The following UQCR11 variants were observed in gnomAD, a reference collection of about 807,000 sequenced individuals.
UQCR11 encodes the protein cytochrome b-c1 complex subunit 10.
Under a neutral mutation model 7.6 loss-of-function variants are expected in UQCR11, and 10 were observed. That is an observed-to-expected ratio of 1.31 (90% confidence interval 0.81 to 2.22). The LOEUF (loss-of-function observed/expected upper bound fraction) is 2.22. Among genes scored for constraint, UQCR11 ranks in the 30% most tolerant of loss-of-function variants. The probability of loss-of-function intolerance (pLI) is 0.00; values close to 1 mark genes in which losing one functional copy is unlikely to be tolerated. For synonymous variants in UQCR11, 34 were observed against 34.9 expected (o/e 0.97, Z 0.09); for missense variants, 86 against 75.1 (o/e 1.15, Z -0.54).
intron 1 of UQCR11, among the ~76,000 whole-genome samples, chr19:1,604,520 C>T (rs1173852483): frequency 6.7e-6 from 1 of 150,354 alleles, no homozygotes; most frequent in East Asian, 2.0e-4. Context: ...TAAGACCTTG[C>T]TGCTTTTTTT....
intron 1 of UQCR11, among the ~76,000 whole-genome samples, chr19:1,601,824 A>G (rs545385939): frequency 7.2e-5 from 11 of 152,206 alleles, no homozygotes; most frequent in African/African-American, 2.2e-4. Context: ...GCACTAGATA[A>G]CAATTGCAGG....
rs781448275 is a variant in UQCR11, at chr19:1,599,527, GC to G, written c.83del (p.Gly28AlafsTer13). ...VPTAYTWGAV[G>X]AVGLVWATDW... is the part of the protein sequence containing the mutation. ...CGGTGGCCCACACCAGCCCCACGGC[GC>G]CCACAGCGCCCCATGTGTAGGCCGT... On this transcript the variant is annotated frameshift_variant, in exon 2 of 3. Coordinates refer to ENST00000591899, the MANE Select transcript of UQCR11 (RefSeq NM_006830.4). LOFTEE classifies it high-confidence loss of function. The G allele has an allele frequency of 6.2e-7, 1 of 1,612,582 alleles. No individual in the cohort carries two copies. The highest frequency in any genetic ancestry group is 8.5e-7 in the Non-Finnish European group (1 of 1,179,990).
At chr19:1,599,388 C>T in intron 2 of UQCR11, 24 bp downstream of exon 2, 1 of 1,607,380 alleles carries the variant, frequency 6.2e-7, no homozygotes, top group Non-Finnish European at 8.5e-7. Context: ...TGCAGTCCAC[C>T]CACCGCAGCC....
chr19:1,599,392 C>T lies in UQCR11; in HGVS notation c.*28+20G>A, dbSNP rs759175910. The T allele has an allele frequency of 9.6e-5, 154 of 1,608,410 alleles. No homozygotes were observed. The highest frequency in any genetic ancestry group is 1.8e-4 in the East Asian group (8 of 44,798). On this transcript the variant is annotated intron_variant, in intron 2 of 2. Transcript: ENST00000591899. ...TCCGGCCATCATGCAGTCCACCCAC[C>T]GCAGCCCACTGAAACTTACCAGAGC...
chr19:1,598,500 C>G (rs989720617), intron 2 of UQCR11, among the ~76,000 whole-genome samples: 1 of 151,130 alleles, frequency 6.6e-6, no homozygotes, highest in Non-Finnish European at 1.5e-5. Context: ...GCCAAGATCG[C>G]GTCATTGCGC....
rs1379404017 is a variant in UQCR11, at chr19:1,598,974, AG to A, written c.*28+437del. The A allele has an allele frequency of 8.5e-5, 15 of 175,844 alleles. No homozygotes were observed. In the South Asian group the frequency reaches 1.8e-3, roughly 21 times the overall value. The allele number at this position is 175,844 out of a possible 1,614,324, so 10.9% of individuals were successfully genotyped here. ...GAAGATGCCACAGGCACTGTGGTTA[AG>A]GGGGCAGCTGGCATGCTGGAGAAAC... On this transcript the variant is annotated intron_variant, in intron 2 of 2. Coordinates refer to ENST00000591899, the MANE Select transcript of UQCR11 (RefSeq NM_006830.4).
intron 1 of UQCR11, among the ~76,000 whole-genome samples, chr19:1,603,977 C>T (rs772725450): frequency 1.4e-4 from 21 of 152,218 alleles, no homozygotes; most frequent in Admixed American, 6.5e-4. Flanking sequence ...CGGAGTTTCG[C>T]TCTTGTTGCC....
intron 1 of UQCR11, 89 bp downstream of exon 1, chr19:1,605,271 C>A: frequency 7.0e-7 from 1 of 1,422,380 alleles, no homozygotes; most frequent in South Asian, 1.4e-5. Context: ...CCGGCCCGGC[C>A]CCCGGAAACG....
At chr19:1,602,650 C>T (rs1346039002) in intron 1 of UQCR11, among the ~76,000 whole-genome samples, 2 of 152,126 alleles carry the variant, frequency 1.3e-5, no homozygotes, top group African/African-American at 4.8e-5. Context: ...CAGGGTTTCA[C>T]CTTGTTGGCC....
At chr19:1,603,418 C>T (rs926270548) in intron 1 of UQCR11, among the ~76,000 whole-genome samples, 2 of 152,040 alleles carry the variant, frequency 1.3e-5, no homozygotes, top group Non-Finnish European at 2.9e-5. Flanking sequence ...CTGGCTAACA[C>T]GGTGAAACCC....
In UQCR11 at chr19:1,599,165, T is replaced by C; in HGVS notation, c.*28+247A>G. Reference sequence around the variant, plus strand: ...AGCAAGGTTTGCCTCAAAGACTCACTGGGATTGTCCAGAGGGAGGGCGAGG... The same window carrying C: ...AGCAAGGTTTGCCTCAAAGACTCACCGGGATTGTCCAGAGGGAGGGCGAGG... On this transcript the variant is annotated intron_variant, in intron 2 of 2. Coordinates refer to ENST00000591899, the MANE Select transcript of UQCR11 (RefSeq NM_006830.4). The C allele has an allele frequency of 2.9e-5, 12 of 420,490 alleles. No homozygotes were observed. The South Asian group carries it at 3.1e-4, about 11-fold the overall frequency. The allele number at this position is 420,490 out of a possible 1,614,324, so 26.0% of individuals were successfully genotyped here.
chr19:1,601,026 G>A lies in UQCR11; in HGVS notation c.51-1466C>T, dbSNP rs183131658. ...TCTACTAAAAATACAAAAATTAGCC[G>A]GGCATGGTGGTGGGTGCCTGTAATC... is the stretch of plus-strand genomic sequence containing the variant. On this transcript the variant is annotated intron_variant, in intron 1 of 2. Transcript: ENST00000591899. 4.7e-3 allele frequency among the ~76,000 whole-genome samples: 722 copies of A among 152,138 alleles called. 7 individuals carry two copies. Among genetic ancestry groups the A allele is most frequent in the African/African-American group, 0.016 (656 of 41,522 alleles).
chr19:1,604,620 C>T (rs563601062), intron 1 of UQCR11, among the ~76,000 whole-genome samples: 3 of 152,094 alleles, frequency 2.0e-5, no homozygotes, highest in African/African-American at 2.4e-5. Flanking sequence ...CTCCTCCTCC[C>T]GGGTTCAAGC....
intron 1 of UQCR11, among the ~76,000 whole-genome samples, chr19:1,603,569 T>C (rs2060753210): frequency 6.6e-6 from 1 of 152,154 alleles, no homozygotes; most frequent in Non-Finnish European, 1.5e-5. Context: ...ATTGCGCCAC[T>C]GCACTCCAGC....
intron 1 of UQCR11, 146 bp from the exon 2 acceptor site, chr19:1,599,706 G>T: frequency 6.2e-6 from 8 of 1,285,780 alleles, no homozygotes; most frequent in Non-Finnish European, 6.2e-6. Flanking sequence ...AGCCCTGAGG[G>T]CTGGCACCAG....
At chr19:1,602,908 G>C (rs2060751321) in intron 1 of UQCR11, among the ~76,000 whole-genome samples, 1 of 152,226 alleles carries the variant, frequency 6.6e-6, no homozygotes, top group Admixed American at 6.5e-5. Context: ...CACTGAGGAA[G>C]GACGTACAGA....
chr19:1,599,514 C>G lies in UQCR11; in HGVS notation c.97G>C (p.Val33Leu). 2 of 1,613,322 alleles carry G rather than the reference C, an allele frequency of 1.2e-6. No individual in the cohort carries two copies. Among genetic ancestry groups the G allele is most frequent in the Non-Finnish European group, 8.5e-7 (1 of 1,180,010 alleles). ...TWGAVGAVGL[V>L]WATDWRLILD... ...ATCAGCCGCCAATCGGTGGCCCACA[C>G]CAGCCCCACGGCGCCCACAGCGCCC... The change falls in exon 2 of 3, where the codon GTG becomes CTG. Residue 33 changes from valine to leucine, a missense_variant. Val to Leu is a conservative substitution (Grantham distance 32). Transcript: ENST00000591899.
intron 1 of UQCR11, among the ~76,000 whole-genome samples, chr19:1,603,272 C>T (rs927905948): frequency 5.3e-5 from 8 of 152,188 alleles, no homozygotes; most frequent in Admixed American, 6.5e-5. Flanking sequence ...CACAAGGGTT[C>T]GGTCTATTGG....
At chr19:1,600,840 C>T (rs1389654886) in intron 1 of UQCR11, among the ~76,000 whole-genome samples, 4 of 152,000 alleles carry the variant, frequency 2.6e-5, no homozygotes, top group African/African-American at 7.3e-5. Flanking sequence ...CTTCCAGCCT[C>T]GGTAAATATG....
Sources: allele counts gnomAD v4.1 joint callset (sites outside exome capture counted in the v4.1 genomes callset), GRCh38; gene constraint gnomAD v4.1.1; transcripts MANE v1.5; gene names NCBI Gene and HGNC (gene_info 2026-07-23, HGNC 2026-07-21).